The following GLRA3 variants were observed in gnomAD, a reference collection of about 807,000 sequenced individuals.
GLRA3 encodes the protein glycine receptor alpha 3, also known as glycine receptor subunit alpha-3.
Under a neutral mutation model 60.4 loss-of-function variants are expected in GLRA3, and 44 were observed. That is an observed-to-expected ratio of 0.73 (90% CI 0.57 to 0.94). The LOEUF is 0.94. GLRA3 is among the 40% of genes least tolerant of loss of function. The pLI, the probability that GLRA3 is intolerant of heterozygous loss-of-function variation, is 0.00. For synonymous variants in GLRA3, 223 were observed against 192.9 expected, an observed-to-expected ratio of 1.16 and a Z score of -1.29; for missense variants, 508 against 564.6, an observed-to-expected ratio of 0.90 and a Z score of 1.02.
intron 1 of GLRA3, among the ~76,000 whole-genome samples, chr4:174,794,305 A>G (rs1259728031): frequency 6.6e-6 from 1 of 152,096 alleles, no homozygotes; most frequent in African/African-American, 2.4e-5. Flanking sequence ...GCACTTTTTA[A>G]AAAAATATTA....
intron 5 of GLRA3, among the ~76,000 whole-genome samples, chr4:174,710,097 T>C (rs1362019282): frequency 6.6e-6 from 1 of 152,032 alleles, no homozygotes; most frequent in Non-Finnish European, 1.5e-5. Context: ...TTTCTCTGTT[T>C]CACTTCTTCC....
intron 3 of GLRA3, among the ~76,000 whole-genome samples, chr4:174,731,842 C>T (rs1579520003): frequency 6.6e-6 from 1 of 152,054 alleles, no homozygotes; most frequent in East Asian, 1.9e-4. Flanking sequence ...ATGGCCAAAA[C>T]AATCACAACA....
chr4:174,826,422 G>A (rs1740969724), intron 1 of GLRA3, among the ~76,000 whole-genome samples: 1 of 152,164 alleles, frequency 6.6e-6, no homozygotes, highest in Non-Finnish European at 1.5e-5. Context: ...GCCTTGGAAA[G>A]GATTATGGTG....
chr4:174,679,086 C>T (rs892030159), intron 6 of GLRA3, among the ~76,000 whole-genome samples: 12 of 152,066 alleles, frequency 7.9e-5, no homozygotes, highest in African/African-American at 2.9e-4. Context: ...AATCCCAGCA[C>T]TTTGGGAGGC....
intron 7 of GLRA3, among the ~76,000 whole-genome samples, chr4:174,675,325 C>T (rs1211096565): frequency 6.6e-6 from 1 of 152,098 alleles, no homozygotes; most frequent in Non-Finnish European, 1.5e-5. Flanking sequence ...CAGTCCTAGA[C>T]ATTCTTCTTT....
intron 3 of GLRA3, among the ~76,000 whole-genome samples, chr4:174,735,840 C>T (rs963427512): frequency 1.3e-5 from 2 of 152,104 alleles, no homozygotes; most frequent in African/African-American, 4.8e-5. Flanking sequence ...GGGATTCCAC[C>T]ACGCCTGGCC....
intron 2 of GLRA3, among the ~76,000 whole-genome samples, chr4:174,785,373 G>T (rs1739081425): frequency 6.6e-6 from 1 of 151,778 alleles, no homozygotes; most frequent in Non-Finnish European, 1.5e-5. Flanking sequence ...AGATACTTGT[G>T]AAAACAATCA....
chr4:174,669,268 G>A (rs985553081), intron 7 of GLRA3, among the ~76,000 whole-genome samples: 5 of 151,884 alleles, frequency 3.3e-5, no homozygotes, highest in East Asian at 1.9e-4. Context: ...TAAAGCCAGC[G>A]AGCAAGGAAT....
intron 5 of GLRA3, among the ~76,000 whole-genome samples, chr4:174,715,245 C>T (rs1735870798): frequency 6.6e-6 from 1 of 152,194 alleles, no homozygotes; most frequent in Non-Finnish European, 1.5e-5. Context: ...TATGGAAACA[C>T]ATATCTAAAT....
chr4:174,643,630 C>A lies in GLRA3; in HGVS notation c.*156G>T, dbSNP rs1457819640. 4.3e-6 allele frequency: 6 copies of A among 1,385,524 alleles called. No individual in the cohort carries two copies. Among genetic ancestry groups the A allele is most frequent in the Non-Finnish European group, 4.7e-6 (5 of 1,067,808 alleles). 85.8% of individuals were successfully genotyped at this position (1,385,524 alleles called of 1,614,324 possible). On this transcript the variant is annotated 3_prime_UTR_variant, in exon 10 of 10. Transcript: ENST00000274093. The stretch of plus-strand genomic sequence containing the variant: ...TAAAAGAATCTCATCTTTCTCATGA[C>A]TTTGCATAGCTAACCAAAATACAAA...
intron 3 of GLRA3, among the ~76,000 whole-genome samples, chr4:174,765,608 G>A (rs187447240): frequency 6.6e-6 from 1 of 152,140 alleles, no homozygotes; most frequent in East Asian, 1.9e-4. Context: ...GACTGAATAT[G>A]TACAAATGTT....
intron 9 of GLRA3, among the ~76,000 whole-genome samples, chr4:174,648,826 T>C (rs909728998): frequency 4.6e-5 from 7 of 152,134 alleles, no homozygotes; most frequent in Admixed American, 2.0e-4. Context: ...AAGCTCTCTT[T>C]AGGTGGCTGT....
At chr4:174,750,748 T>C (rs114435175) in intron 3 of GLRA3, among the ~76,000 whole-genome samples, 4,855 of 152,190 alleles carry the variant, frequency 0.032, 100 homozygotes, top group Non-Finnish European at 0.049. Context: ...ATGTAAACCT[T>C]AGTGATCTTT....
intron 3 of GLRA3, among the ~76,000 whole-genome samples, chr4:174,733,073 T>C (rs1445961769): frequency 6.6e-6 from 1 of 152,178 alleles, no homozygotes; most frequent in Non-Finnish European, 1.5e-5. Flanking sequence ...TGTGTTATCA[T>C]AAGAATCCTT....
At chr4:174,663,624 C>G (rs1733544511) in intron 7 of GLRA3, among the ~76,000 whole-genome samples, 1 of 152,072 alleles carries the variant, frequency 6.6e-6, no homozygotes. Context: ...TCTTCGAACC[C>G]CTTCACCAAT....
At chr4:174,737,510 T>C (rs1479878248) in intron 3 of GLRA3, among the ~76,000 whole-genome samples, 2 of 141,304 alleles carry the variant, frequency 1.4e-5, no homozygotes, top group Non-Finnish European at 3.1e-5. Flanking sequence ...CTTTTTTTTG[T>C]GGTTTTTTGT....
intron 2 of GLRA3, among the ~76,000 whole-genome samples, chr4:174,786,713 G>A (rs1278912236): frequency 6.6e-6 from 1 of 152,058 alleles, no homozygotes; most frequent in African/African-American, 2.4e-5. Flanking sequence ...AGATGACAAA[G>A]CAAAAGTGTT....
intron 3 of GLRA3, among the ~76,000 whole-genome samples, chr4:174,740,433 C>T (rs886181562): frequency 6.6e-6 from 1 of 152,088 alleles, no homozygotes; most frequent in African/African-American, 2.4e-5. Flanking sequence ...GCTTCCTCAC[C>T]AAGACACTAG....
intron 1 of GLRA3, among the ~76,000 whole-genome samples, chr4:174,798,916 G>A (rs1463038103): frequency 1.3e-5 from 2 of 151,136 alleles, no homozygotes; most frequent in African/African-American, 4.9e-5. Flanking sequence ...GGGAGACTCT[G>A]CCTGAAAAAA....
Sources: gnomAD v4.1 joint callset for allele counts (sites outside exome capture counted in the v4.1 genomes callset) on GRCh38, gnomAD v4.1.1 for gene constraint, MANE v1.5 for transcripts, NCBI Gene and HGNC (gene_info 2026-07-23, HGNC 2026-07-21) for gene names.